USH2A: variants seen among roughly 807,000 people sequenced by gnomAD.
USH2A encodes the protein usherin, also known as Usher syndrome 2A (autosomal recessive, mild).
Under a neutral mutation model 538.9 loss-of-function variants are expected in USH2A, and 443 were observed. The ratio of observed to expected loss-of-function variants is 0.82; its 90% confidence interval spans 0.76 to 0.89. USH2A has a LOEUF of 0.89. Among genes scored for constraint, USH2A ranks in the 40% least tolerant of loss-of-function variants. The probability of loss-of-function intolerance (pLI) is 0.00; values close to 1 mark genes in which losing one functional copy is unlikely to be tolerated. For synonymous variants in USH2A, 2,413 were observed against 2,273.5 expected (o/e 1.06, Z -1.75); for missense variants, 6,633 against 6,324.8 (o/e 1.05, Z -1.65).
At chr1:215,811,660 C>A (rs1415686329) in intron 49 of USH2A, among the ~76,000 whole-genome samples, 1 of 152,174 alleles carries the variant, frequency 6.6e-6, no homozygotes, top group East Asian at 2.0e-4. Flanking sequence ...GTAATCCCAG[C>A]ACTTTGGGAG....
chr1:216,144,803 C>A (rs1267205572), intron 21 of USH2A, among the ~76,000 whole-genome samples: 1 of 152,124 alleles, frequency 6.6e-6, no homozygotes, highest in Non-Finnish European at 1.5e-5. Flanking sequence ...TCTCTGAATG[C>A]CATCTTTCCT....
intron 15 of USH2A, 108 bp from the exon 16 acceptor site, chr1:216,207,539 A>G (rs1304202204): frequency 7.4e-7 from 1 of 1,360,524 alleles, no homozygotes; most frequent in Non-Finnish European, 1.0e-6. Context: ...GGATTGCTTT[A>G]TCAAGAAGAC....
rs554740582 is a variant in USH2A at position 216,378,987 on chromosome 1, T to C, written c.652-13902A>G. Among the ~76,000 whole-genome samples the C allele has an allele frequency of 1.1e-4, 17 of 152,308 alleles. No individual in the cohort carries two copies. The South Asian group carries it at 3.5e-3, about 32-fold the overall frequency. On this transcript the variant is annotated intron_variant, in intron 3 of 71. Transcript: ENST00000307340. ...TTGTGGGGCAAAGGCAGGTATGCAA[T>C]ACAACTTATTTTTTAGCCATGGGGA...
intron 37 of USH2A, among the ~76,000 whole-genome samples, chr1:215,962,655 G>GTA (rs930533837): frequency 1.2e-5 from 1 of 82,650 alleles, no homozygotes; most frequent in African/African-American, 3.7e-5. Context: ...GTTTGTTTAT[G>GTA]TATACACACA....
At chr1:215,968,773 T>C (rs564613751) in intron 36 of USH2A, among the ~76,000 whole-genome samples, 300 of 152,304 alleles carry the variant, frequency 2.0e-3, no homozygotes, top group African/African-American at 7.0e-3. Flanking sequence ...AAATTTTCTG[T>C]TTCAATGAAA....
At chr1:216,083,791 T>C (rs1211654598) in intron 25 of USH2A, among the ~76,000 whole-genome samples, 2 of 152,116 alleles carry the variant, frequency 1.3e-5, no homozygotes, top group African/African-American at 4.8e-5. Context: ...TGATATATAT[T>C]ATACTTTTTA....
chr1:216,410,973 G>GAT, intron 3 of USH2A, among the ~76,000 whole-genome samples: 1 of 152,032 alleles, frequency 6.6e-6, no homozygotes, highest in African/African-American at 2.4e-5. Context: ...CCTCACTGCA[G>GAT]CCAAAGTGAT....
chr1:215,945,230 T>A (rs1211669628), intron 37 of USH2A, among the ~76,000 whole-genome samples: 1 of 152,102 alleles, frequency 6.6e-6, no homozygotes, highest in Non-Finnish European at 1.5e-5. Context: ...ACTTAATCAA[T>A]TTTGCTCTCT....
intron 37 of USH2A, among the ~76,000 whole-genome samples, chr1:215,947,004 T>G (rs1666775456): frequency 6.6e-6 from 1 of 151,910 alleles, no homozygotes. Flanking sequence ...GTTAAAATAA[T>G]GATATTTTAG....
rs190611463 is a variant in USH2A, at chr1:215,692,989, T to C, written c.12067-12613A>G. 3.3e-5 allele frequency among the ~76,000 whole-genome samples: 5 copies of C among 151,744 alleles called. No homozygotes were observed. The East Asian group carries it at 5.8e-4, about 18-fold the overall frequency. ...CATGATCTTGGCTCATGGCAACCTC[T>C]GTCTCCAAGACTCAAACAATCCTCC... On this transcript the variant is annotated intron_variant, in intron 61 of 71. Transcript: ENST00000307340.
intron 32 of USH2A, among the ~76,000 whole-genome samples, chr1:216,016,757 A>C (rs1668721562): frequency 6.6e-6 from 1 of 151,896 alleles, no homozygotes; most frequent in Non-Finnish European, 1.5e-5. Flanking sequence ...ACTGGCAAAA[A>C]AGAAAGGAGG....
intron 46 of USH2A, among the ~76,000 whole-genome samples, chr1:215,842,747 A>G (rs1027215817): frequency 6.6e-6 from 1 of 151,952 alleles, no homozygotes; most frequent in Non-Finnish European, 1.5e-5. Flanking sequence ...ACTTATAAGT[A>G]GGAGCTGTAC....
chr1:216,039,185 G>A (rs908327296), intron 32 of USH2A, among the ~76,000 whole-genome samples: 11 of 152,006 alleles, frequency 7.2e-5, no homozygotes, highest in African/African-American at 2.7e-4. Context: ...ACTCTTGAGA[G>A]TATAGCATCC....
intron 37 of USH2A, among the ~76,000 whole-genome samples, chr1:215,941,583 A>G (rs1482235499): frequency 6.6e-6 from 1 of 152,180 alleles, no homozygotes; most frequent in Non-Finnish European, 1.5e-5. Flanking sequence ...AACACTGGAC[A>G]TGAATACAAC....
At chr1:215,797,052 A>G (rs1027455646) in intron 50 of USH2A, among the ~76,000 whole-genome samples, 2 of 152,152 alleles carry the variant, frequency 1.3e-5, no homozygotes, top group African/African-American at 4.8e-5. Flanking sequence ...TTCACTTATG[A>G]ATAAGTGAAA....
chr1:216,394,318 T>C (rs550499563), intron 3 of USH2A, among the ~76,000 whole-genome samples: 1 of 149,884 alleles, frequency 6.7e-6, no homozygotes, highest in African/African-American at 2.5e-5. Flanking sequence ...AGCAATCCTT[T>C]TCCCAGATAT....
At position 216,325,307 on chromosome 1, in the gene USH2A, G is replaced by T; in HGVS notation, c.1141C>A (p.Gln381Lys). 1 of 1,613,558 alleles carries T rather than the reference G, an allele frequency of 6.2e-7. No individual in the cohort carries two copies. Among genetic ancestry groups the T allele is most frequent in the South Asian group, 1.1e-5 (1 of 90,934 alleles). The change falls in exon 6 of 72, where the codon CAG becomes AAG. Residue 381 changes from glutamine to lysine, a missense_variant and splice_region_variant. Transcript: ENST00000307340. Reference protein sequence around the residue: ...ISVDLENGQYQVFYIIIQFFS... With the variant: ...ISVDLENGQYKVFYIIIQFFS... ...TACACCTTATCGTTTCTCATTACCT[G>T]ATACTGTCCATTTTCCAAATCAACT...
At chr1:216,084,438 T>C (rs978477338) in intron 25 of USH2A, among the ~76,000 whole-genome samples, 1 of 152,144 alleles carries the variant, frequency 6.6e-6, no homozygotes, top group Non-Finnish European at 1.5e-5. Context: ...CAAATGGACA[T>C]TGGTGATGCT....
intron 22 of USH2A, among the ~76,000 whole-genome samples, chr1:216,090,980 A>T (rs1254980679): frequency 1.3e-5 from 2 of 152,182 alleles, no homozygotes; most frequent in Admixed American, 1.3e-4. Flanking sequence ...TTTGTTTGGC[A>T]ACAATCTGAA....
Sources: allele counts gnomAD v4.1 joint callset (sites outside exome capture counted in the v4.1 genomes callset), GRCh38; gene constraint gnomAD v4.1.1; transcripts MANE v1.5; gene names NCBI Gene and HGNC (gene_info 2026-07-23, HGNC 2026-07-21).